DGKB: variants seen among roughly 807,000 people sequenced by gnomAD.
DGKB encodes diacylglycerol kinase beta.
A neutral mutation model predicts 114.3 loss-of-function variants in DGKB; 67 were observed. The ratio of observed to expected loss-of-function variants is 0.59; its 90% CI spans 0.48 to 0.72. The LOEUF (loss-of-function observed/expected upper bound fraction) is 0.72, where lower values mean the gene tolerates loss of function less well. Ranked by LOEUF, DGKB falls within the 30% of genes least tolerant of loss-of-function variation. The probability of loss-of-function intolerance (pLI) is 0.00; values close to 1 mark genes in which losing one functional copy is unlikely to be tolerated. For missense variants in DGKB, 907 were observed against 975.2 expected, an observed-to-expected ratio of 0.93 and a Z score of 0.93; for synonymous variants, 398 against 323.1, an observed-to-expected ratio of 1.23 and a Z score of -2.49.
At chr7:14,667,930 C>T (rs552640403) in intron 13 of DGKB, among the ~76,000 whole-genome samples, 1 of 152,002 alleles carries the variant, frequency 6.6e-6, no homozygotes, top group Non-Finnish European at 1.5e-5. Flanking sequence ...GGGCTTGACA[C>T]AACAAGTGCA....
At chr7:14,555,079 T>C (rs1584779721) in intron 20 of DGKB, among the ~76,000 whole-genome samples, 1 of 152,190 alleles carries the variant, frequency 6.6e-6, no homozygotes, top group Admixed American at 6.5e-5. Flanking sequence ...CTAATATAAG[T>C]GTATTGCTTC....
intron 19 of DGKB, among the ~76,000 whole-genome samples, chr7:14,580,553 A>C (rs1283092256): frequency 6.6e-6 from 1 of 152,168 alleles, no homozygotes; most frequent in Non-Finnish European, 1.5e-5. Context: ...ATTACCTTGA[A>C]GTGCATCCAT....
At chr7:14,611,099 G>A (rs1005264577) in intron 16 of DGKB, among the ~76,000 whole-genome samples, 49 of 151,822 alleles carry the variant, frequency 3.2e-4, no homozygotes, top group Non-Finnish European at 5.6e-4. Flanking sequence ...TCTTTCATTG[G>A]GCAAACATCT....
In DGKB at chr7:14,747,188, CTT is replaced by C. The variant is rs372925762; in HGVS notation, c.168+6738_168+6739del. On this transcript the variant is annotated intron_variant, in intron 4 of 25. Transcript: ENST00000402815. ...TTGCAATGTGGGAAAACACAAACCT[CTT>C]TTTTTTTTTTTTTTTTTCCTAAGAG... Among the ~76,000 whole-genome samples, 404 of 124,138 alleles carry C rather than the reference CTT, an allele frequency of 3.3e-3. 1 individual carries two copies. The highest frequency in any genetic ancestry group is 0.012 in the African/African-American group (364 of 30,766). The allele number at this position is 124,138 out of a possible 152,430, so 81.4% of individuals were successfully genotyped here.
chr7:14,696,292 G>A (rs1399109872), intron 8 of DGKB, among the ~76,000 whole-genome samples: 1 of 151,698 alleles, frequency 6.6e-6, no homozygotes, highest in Non-Finnish European at 1.5e-5. Context: ...AGGAGATCGA[G>A]ACCATCCTGG....
chr7:14,505,955 T>G (rs1786982005), intron 20 of DGKB, among the ~76,000 whole-genome samples: 1 of 152,074 alleles, frequency 6.6e-6, no homozygotes, highest in Admixed American at 6.6e-5. Flanking sequence ...ATACCCAGAT[T>G]TTTTTTTATA....
intron 23 of DGKB, 114 bp from the exon 24 acceptor site, chr7:14,178,265 T>A: frequency 8.6e-7 from 1 of 1,165,110 alleles, no homozygotes; most frequent in Non-Finnish European, 1.2e-6. Context: ...CAAAGAAAGC[T>A]TGTCTTAGAA....
chr7:14,401,585 C>A (rs1039493176), intron 21 of DGKB, among the ~76,000 whole-genome samples: 2 of 152,012 alleles, frequency 1.3e-5, no homozygotes, highest in Non-Finnish European at 1.5e-5. Flanking sequence ...TCAAGGCCAT[C>A]ACCTGATGAG....
chr7:14,581,405 T>C (rs1799911532), intron 18 of DGKB, among the ~76,000 whole-genome samples: 1 of 152,220 alleles, frequency 6.6e-6, no homozygotes, highest in South Asian at 2.1e-4. Context: ...AACTGTTGAA[T>C]TATAAAAGTG....
intron 2 of DGKB, among the ~76,000 whole-genome samples, chr7:14,825,016 G>GTATATATATATATATATA (rs67135250): frequency 1.1e-5 from 1 of 92,382 alleles, no homozygotes; most frequent in Non-Finnish European, 2.4e-5. Flanking sequence ...GTATGTGTAT[G>GTATATATATATATATATA]TATATATATA....
intron 1 of DGKB, among the ~76,000 whole-genome samples, chr7:14,927,752 C>G (rs1475332804): frequency 6.6e-6 from 1 of 151,904 alleles, no homozygotes; most frequent in Non-Finnish European, 1.5e-5. Context: ...AAAACAAACT[C>G]AGGATCATCA....
At chr7:14,955,520 G>C (rs1468099260) in intron 1 of DGKB, among the ~76,000 whole-genome samples, 2 of 152,008 alleles carry the variant, frequency 1.3e-5, no homozygotes, top group Non-Finnish European at 2.9e-5. Context: ...ACATATCTCA[G>C]AGGCATCTCA....
chr7:14,836,731 C>A (rs879071274), intron 2 of DGKB, among the ~76,000 whole-genome samples: 2 of 152,204 alleles, frequency 1.3e-5, no homozygotes, highest in Admixed American at 1.3e-4. Context: ...CAGCCTGAAA[C>A]CCTAAACCGG....
intron 21 of DGKB, among the ~76,000 whole-genome samples, chr7:14,422,524 G>C (rs1189444623): frequency 6.6e-6 from 1 of 152,000 alleles, no homozygotes; most frequent in East Asian, 1.9e-4. Flanking sequence ...TACCGCAGCA[G>C]AGGACACAAA....
chr7:14,367,891 C>T (rs922993998), intron 21 of DGKB, among the ~76,000 whole-genome samples: 2 of 151,972 alleles, frequency 1.3e-5, no homozygotes, highest in Non-Finnish European at 2.9e-5. Context: ...GGAGAAACCA[C>T]CAGCATGATC....
intron 5 of DGKB, among the ~76,000 whole-genome samples, chr7:14,735,571 T>G (rs561207995): frequency 2.5e-4 from 38 of 152,318 alleles, no homozygotes; most frequent in Admixed American, 4.6e-4. Context: ...AATCACCATC[T>G]CTACGGTGAC....
chr7:14,782,992 C>T (rs1209372963), intron 2 of DGKB, among the ~76,000 whole-genome samples: 5 of 152,104 alleles, frequency 3.3e-5, no homozygotes, highest in Non-Finnish European at 5.9e-5. Flanking sequence ...GCCTGTCTGG[C>T]TCACATATCT....
intron 21 of DGKB, among the ~76,000 whole-genome samples, chr7:14,393,731 G>C (rs978734681): frequency 6.6e-6 from 1 of 151,900 alleles, no homozygotes; most frequent in Admixed American, 6.6e-5. Flanking sequence ...ATCCACCTTG[G>C]TTAGAGAACC....
intron 13 of DGKB, among the ~76,000 whole-genome samples, chr7:14,648,051 G>C (rs1054729593): frequency 6.6e-6 from 1 of 152,196 alleles, no homozygotes; most frequent in African/African-American, 2.4e-5. Context: ...ACTGCAAGGC[G>C]GCAGCGAGGC....
Sources: gnomAD v4.1 joint callset for allele counts (sites outside exome capture counted in the v4.1 genomes callset) on GRCh38, gnomAD v4.1.1 for gene constraint, MANE v1.5 for transcripts, NCBI Gene and HGNC (gene_info 2026-07-23, HGNC 2026-07-21) for gene names.